The following TSHZ3 variants were observed in gnomAD, a reference collection of about 807,000 sequenced individuals.
TSHZ3 encodes the protein teashirt zinc finger homeobox 3, also known as teashirt homolog 3.
In TSHZ3, 10 loss-of-function variants were observed where a neutral mutation model predicts 64.5. The ratio of observed to expected loss-of-function variants is 0.16; its 90% CI spans 0.10 to 0.26. The LOEUF (loss-of-function observed/expected upper bound fraction) is 0.26. Ranked by LOEUF, TSHZ3 falls within the 10% of genes least tolerant of loss-of-function variation. The pLI is 1.00. For missense variants in TSHZ3, 1,242 were observed against 1,421.7 expected (o/e 0.87, Z 2.03); for synonymous variants, 608 against 593.1 (o/e 1.03, Z -0.36).
At chr19:31,335,908 G>A (rs1199569292) in intron 1 of TSHZ3, among the ~76,000 whole-genome samples, 1 of 152,162 alleles carries the variant, frequency 6.6e-6, no homozygotes, top group Non-Finnish European at 1.5e-5. Flanking sequence ...TGGGACTCTT[G>A]GCAAAAAATC....
chr19:31,345,545 A>G (rs949624546), intron 1 of TSHZ3, among the ~76,000 whole-genome samples: 2 of 152,196 alleles, frequency 1.3e-5, no homozygotes, highest in African/African-American at 4.8e-5. Flanking sequence ...GGTCCAAGTC[A>G]CTTTCACAAA....
At chr19:31,235,373 G>A (rs1189169920) in intron 3 of TSHZ3, among the ~76,000 whole-genome samples, 1 of 151,890 alleles carries the variant, frequency 6.6e-6, no homozygotes, top group Non-Finnish European at 1.5e-5. Context: ...CCCCTGATAG[G>A]CACCATTCTA....
intron 1 of TSHZ3, among the ~76,000 whole-genome samples, chr19:31,248,745 G>A (rs536985758): frequency 1.4e-5 from 2 of 146,568 alleles, no homozygotes; most frequent in East Asian, 2.0e-4. Context: ...AGCCATGATC[G>A]CACCACTGCA....
At chr19:31,288,613 G>A (rs1041325686) in intron 1 of TSHZ3, among the ~76,000 whole-genome samples, 8 of 152,138 alleles carry the variant, frequency 5.3e-5, no homozygotes, top group African/African-American at 1.9e-4. Context: ...TGTGATCATG[G>A]CTCACTGCAG....
intron 3 of TSHZ3, among the ~76,000 whole-genome samples, chr19:31,230,839 AC>A (rs1317542003): frequency 5.3e-5 from 8 of 151,274 alleles, no homozygotes; most frequent in African/African-American, 1.7e-4. Flanking sequence ...AGCTGGGTCT[AC>A]AGGCTCCTGC....
At chr19:31,184,153 A>G (rs1281513883) in intron 5 of TSHZ3, among the ~76,000 whole-genome samples, 2 of 152,182 alleles carry the variant, frequency 1.3e-5, no homozygotes, top group Non-Finnish European at 2.9e-5. Context: ...AAGACCAAAA[A>G]AGGATGTATT....
chr19:31,260,996 G>A (rs183913199), intron 1 of TSHZ3, among the ~76,000 whole-genome samples: 43 of 152,322 alleles, frequency 2.8e-4, no homozygotes, highest in Admixed American at 2.7e-3. Flanking sequence ...TGAATGCGGG[G>A]CGTGGTGGCC....
At chr19:31,290,770 G>C (rs1976551112) in intron 1 of TSHZ3, among the ~76,000 whole-genome samples, 1 of 152,050 alleles carries the variant, frequency 6.6e-6, no homozygotes. Flanking sequence ...AAGGGCCAGA[G>C]GATCCAGAAG....
At chr19:31,178,328 G>T (rs181504636) in intron 5 of TSHZ3, among the ~76,000 whole-genome samples, 1 of 152,072 alleles carries the variant, frequency 6.6e-6, no homozygotes, top group Non-Finnish European at 1.5e-5. Context: ...TTCCTCATTC[G>T]CACCCCTCCT....
At chr19:31,280,592 A>C (rs981641514) in intron 1 of TSHZ3, among the ~76,000 whole-genome samples, 3 of 152,198 alleles carry the variant, frequency 2.0e-5, no homozygotes, top group Admixed American at 2.0e-4. Flanking sequence ...CTGATGTATA[A>C]ATATATACAA....
intron 1 of TSHZ3, among the ~76,000 whole-genome samples, chr19:31,248,431 A>G (rs1262986767): frequency 6.6e-6 from 1 of 152,180 alleles, no homozygotes; most frequent in African/African-American, 2.4e-5. Flanking sequence ...ACTTGCAGCA[A>G]GCAACCAGGG....
intron 1 of TSHZ3, among the ~76,000 whole-genome samples, chr19:31,263,672 T>C (rs1976013500): frequency 3.9e-5 from 6 of 152,140 alleles, no homozygotes; most frequent in Admixed American, 3.9e-4. Flanking sequence ...CAGGTTTCCA[T>C]GTCTCACAGA....
rs189310112 is a variant in TSHZ3 at position 31,229,357 on chromosome 19, G to A, written n.551-1217C>T. On this transcript the variant is annotated intron_variant and non_coding_transcript_variant, in intron 3 of 6. Coordinates refer to the TSHZ3 transcript ENST00000651361. The stretch of plus-strand genomic sequence containing the variant: ...AATGTTATTGGACCAAGGATGGGCA[G>A]GTAGAAAGAACATTAAGAATCTATT... Among the ~76,000 whole-genome samples, 543 of 152,278 alleles carry A rather than the reference G, an allele frequency of 3.6e-3. 2 individuals carry two copies. The highest frequency in any genetic ancestry group is 0.017 in the Middle Eastern group (5 of 294).
chr19:31,288,273 C>G (rs1976501413), intron 1 of TSHZ3, among the ~76,000 whole-genome samples: 1 of 152,182 alleles, frequency 6.6e-6, no homozygotes, highest in South Asian at 2.1e-4. Context: ...CCCTCCTGCC[C>G]TTTCCTCAGA....
intron 5 of TSHZ3, among the ~76,000 whole-genome samples, chr19:31,172,773 C>T (rs1599559574): frequency 6.6e-6 from 1 of 152,216 alleles, no homozygotes; most frequent in East Asian, 1.9e-4. Flanking sequence ...CAAGATCAGG[C>T]TCATTGAGGA....
intron 1 of TSHZ3, among the ~76,000 whole-genome samples, chr19:31,332,486 C>T (rs1917124485): frequency 6.6e-6 from 1 of 152,134 alleles, no homozygotes; most frequent in Non-Finnish European, 1.5e-5. Context: ...CGATGACCGA[C>T]GACCCCTCAT....
In TSHZ3 at chr19:31,187,399, G is replaced by GT. The variant is rs34701889; in HGVS notation, n.809+17556dup. On this transcript the variant is annotated intron_variant and non_coding_transcript_variant, in intron 5 of 6. Coordinates refer to the TSHZ3 transcript ENST00000651361. ...ATTGTACCAATTCACGTTTAATCGTGTTTTTTTTTTTAATAAGCAGAAGCT... is the reference window on the plus strand; with the variant it reads ...ATTGTACCAATTCACGTTTAATCGTGTTTTTTTTTTTTAATAAGCAGAAGCT... Among the ~76,000 whole-genome samples the GT allele has an allele frequency of 5.0e-3, 752 of 149,530 alleles. 2 individuals carry two copies. The highest frequency in any genetic ancestry group is 0.016 in the African/African-American group (640 of 40,918).
chr19:31,318,770 C>G (rs934523567), intron 1 of TSHZ3, among the ~76,000 whole-genome samples: 2 of 152,302 alleles, frequency 1.3e-5, no homozygotes, highest in African/African-American at 4.8e-5. Flanking sequence ...ATAAGCCCAA[C>G]TATGGCTCAG....
chr19:31,269,950 C>A (rs141327090), downstream of TSHZ3, among the ~76,000 whole-genome samples: 55 of 152,270 alleles, frequency 3.6e-4, no homozygotes, highest in Non-Finnish European at 5.3e-4. Flanking sequence ...CCAAGTCTGT[C>A]TCCAAGTCAT....
Sources: allele counts gnomAD v4.1 joint callset (sites outside exome capture counted in the v4.1 genomes callset), GRCh38; gene constraint gnomAD v4.1.1; transcripts MANE v1.5; gene names NCBI Gene and HGNC (gene_info 2026-07-23, HGNC 2026-07-21).